Variants in SMAD1 observed in about 807,000 individuals in gnomAD.
SMAD1 encodes SMAD family member 1, also known as MAD, mothers against decapentaplegic homolog 1.
In SMAD1, 6 loss-of-function variants were observed where a neutral mutation model predicts 41.6. The ratio of observed to expected loss-of-function variants is 0.14; its 90% CI spans 0.08 to 0.28. The LOEUF is 0.28. Among genes scored for constraint, SMAD1 ranks in the 10% least tolerant of loss-of-function variants. The pLI is 1.00. For synonymous variants in SMAD1, 206 were observed against 203.2 expected, an observed-to-expected ratio of 1.01 and a Z score of -0.12; for missense variants, 379 against 582.6, an observed-to-expected ratio of 0.65 and a Z score of 3.60.
At chr4:145,500,060 G>T in intron 1 of SMAD1, among the ~76,000 whole-genome samples, 1 of 152,086 alleles carries the variant, frequency 6.6e-6, no homozygotes, top group Non-Finnish European at 1.5e-5. Flanking sequence ...ATTTGTTCAT[G>T]TCTGTACTTT....
intron 2 of SMAD1, among the ~76,000 whole-genome samples, chr4:145,531,710 G>C (rs1731325962): frequency 6.6e-6 from 1 of 152,130 alleles, no homozygotes; most frequent in South Asian, 2.1e-4. Context: ...GTGGTTACGG[G>C]AGTCAGGACT....
intron 2 of SMAD1, among the ~76,000 whole-genome samples, chr4:145,520,028 G>C (rs1259801088): frequency 1.3e-5 from 2 of 152,100 alleles, no homozygotes; most frequent in African/African-American, 4.8e-5. Flanking sequence ...TAATCATCAG[G>C]GAAATGCAAA....
At position 145,539,952 on chromosome 4, in the gene SMAD1, G is replaced by A. The variant is rs747186734; in HGVS notation, c.549G>A (p.Pro183=). The change falls in exon 3 of 7, where the codon CCG becomes CCA. Residue 183 remains proline (P), a synonymous_variant. Coordinates refer to ENST00000302085, the MANE Select transcript of SMAD1 (RefSeq NM_005900.3). ...CTTTCCAGCAACCCAACAGCCACCC[G>A]TTTCCTCACTCTCCCAATAGCAGTT... ...PDSFQQPNSH[P]FPHSPNSSYP... 25 of 1,613,744 alleles carry A rather than the reference G, an allele frequency of 1.5e-5. 1 individual carries two copies. The highest frequency in any genetic ancestry group is 1.6e-4 in the Middle Eastern group (1 of 6,082).
At chr4:145,501,716 A>T (rs1729452184) in intron 1 of SMAD1, among the ~76,000 whole-genome samples, 2 of 134,442 alleles carry the variant, frequency 1.5e-5, no homozygotes, top group African/African-American at 5.1e-5. Context: ...TGATATTTGG[A>T]TTACCTTTTT....
intron 6 of SMAD1, 26 bp from the exon 7 acceptor site, chr4:145,557,765 A>G: frequency 6.3e-7 from 1 of 1,584,318 alleles, no homozygotes; most frequent in Non-Finnish European, 8.6e-7. Flanking sequence ...AAACAAGTTA[A>G]ATGACCTCCA....
chr4:145,527,458 C>T (rs559530984), intron 2 of SMAD1, among the ~76,000 whole-genome samples: 12 of 152,140 alleles, frequency 7.9e-5, no homozygotes, highest in South Asian at 2.1e-4. Flanking sequence ...CTCCTGACCT[C>T]GTGATCCGCC....
intron 5 of SMAD1, among the ~76,000 whole-genome samples, chr4:145,548,144 T>C (rs1732354778): frequency 1.3e-5 from 2 of 152,310 alleles, no homozygotes; most frequent in East Asian, 3.9e-4. Flanking sequence ...GGCCTTCCAC[T>C]GGCCAACTCT....
At chr4:145,490,529 T>C (rs1242693114) in intron 1 of SMAD1, among the ~76,000 whole-genome samples, 1 of 152,216 alleles carries the variant, frequency 6.6e-6, no homozygotes, top group African/African-American at 2.4e-5. Context: ...TAATTGTTAC[T>C]TTTTGGTATC....
chr4:145,482,316 GTCTT>G lies in SMAD1; in HGVS notation c.-177+280_-177+283del. Among the ~76,000 whole-genome samples, 1 of 151,704 alleles carries G rather than the reference GTCTT, an allele frequency of 6.6e-6. No homozygotes were observed. The highest frequency in any genetic ancestry group is 6.6e-5 in the Admixed American group (1 of 15,264). On this transcript the variant is annotated intron_variant, in intron 1 of 6. Transcript: ENST00000302085. The surrounding 1 kb of genome is among the most constrained non-coding windows in gnomAD (Gnocchi z 4.2). ...GCCCAGCCCGCCGGGCTCCCCTGGT[GTCTT>G]TGTTGGGTCTTCTGCTGTGGGAAGC...
At chr4:145,511,046 G>T (rs1208536528) in intron 1 of SMAD1, among the ~76,000 whole-genome samples, 2 of 152,070 alleles carry the variant, frequency 1.3e-5, no homozygotes, top group Non-Finnish European at 2.9e-5. Context: ...AATATGCATA[G>T]TATATATTTT....
chr4:145,539,138 G>A (rs1245976881), intron 2 of SMAD1, among the ~76,000 whole-genome samples: 1 of 152,142 alleles, frequency 6.6e-6, no homozygotes, highest in African/African-American at 2.4e-5. Flanking sequence ...GTGGTGGTAA[G>A]GATTCTTGAA....
At chr4:145,527,503 G>A (rs1374408504) in intron 2 of SMAD1, among the ~76,000 whole-genome samples, 2 of 152,112 alleles carry the variant, frequency 1.3e-5, no homozygotes, top group Admixed American at 6.6e-5. Context: ...GATTACAGGC[G>A]TGAGCCACCG....
intron 1 of SMAD1, chr4:145,484,501 G>A (rs1728365122): frequency 6.6e-6 from 1 of 152,356 alleles, no homozygotes; most frequent in South Asian, 2.1e-4. Context: ...TAGCTAAGCA[G>A]GAGTCTGGCG....
intron 4 of SMAD1, chr4:145,545,562 G>GTT (rs750276610): frequency 5.9e-5 from 8 of 135,960 alleles, no homozygotes; most frequent in Non-Finnish European, 1.2e-4. Flanking sequence ...TTTTTTTTGT[G>GTT]TGTGTGTGTG....
chr4:145,502,116 A>T (rs1156436292), intron 1 of SMAD1, among the ~76,000 whole-genome samples: 1 of 152,188 alleles, frequency 6.6e-6, no homozygotes, highest in Non-Finnish European at 1.5e-5. Context: ...TTCTCCTGGG[A>T]TAGTCAATAA....
At chr4:145,499,853 T>G (rs1463064037) in intron 1 of SMAD1, among the ~76,000 whole-genome samples, 1 of 152,134 alleles carries the variant, frequency 6.6e-6, no homozygotes. Flanking sequence ...ATTCTTGGAC[T>G]ACTTCTCCTC....
intron 2 of SMAD1, among the ~76,000 whole-genome samples, chr4:145,529,599 ATT>A (rs1451066998): frequency 6.6e-6 from 1 of 152,092 alleles, no homozygotes; most frequent in Non-Finnish European, 1.5e-5. Context: ...GGCCCTGTAA[ATT>A]TTCTGTAAGC....
chr4:145,555,076 TG>T, intron 6 of SMAD1, among the ~76,000 whole-genome samples: 1 of 152,292 alleles, frequency 6.6e-6, no homozygotes, highest in East Asian at 1.9e-4. Flanking sequence ...TGTTTGTTTT[TG>T]TGTGTTTGTT....
At position 145,558,001 on chromosome 4, in the gene SMAD1, A is replaced by G; in HGVS notation, c.*67A>G. 1 of 1,255,320 alleles carries G rather than the reference A, an allele frequency of 8.0e-7. No homozygotes were observed. Among genetic ancestry groups the G allele is most frequent in the Non-Finnish European group, 1.1e-6 (1 of 918,972 alleles). The allele number at this position is 1,255,320 out of a possible 1,614,324, so 77.8% of individuals were successfully genotyped here. A position where few individuals can be genotyped will look rare whatever the true frequency, so the allele number is the denominator to read the frequency against. ...CATGTACTTGAAGGATGGATGAGTC[A>G]GACACGATTGAGAACTGACAAAGGA... On this transcript the variant is annotated 3_prime_UTR_variant, in exon 7 of 7. Transcript: ENST00000302085.
Sources: allele counts gnomAD v4.1 joint callset (sites outside exome capture counted in the v4.1 genomes callset), GRCh38; gene constraint gnomAD v4.1.1; non-coding constraint Gnocchi (gnomAD v3.1); transcripts MANE v1.5; gene names NCBI Gene and HGNC (gene_info 2026-07-23, HGNC 2026-07-21).